THSD4: variants seen among roughly 807,000 people sequenced by gnomAD.
THSD4 encodes the protein thrombospondin type-1 domain-containing protein 4.
In THSD4, 69 loss-of-function variants were observed where a neutral mutation model predicts 119.0. That is an observed-to-expected ratio of 0.58 (90% confidence interval 0.48 to 0.71). The LOEUF is 0.71. Ranked by LOEUF, THSD4 falls within the 30% of genes least tolerant of loss-of-function variation. The probability of loss-of-function intolerance (pLI) is 0.00; values close to 1 mark genes in which losing one functional copy is unlikely to be tolerated. For missense variants in THSD4, 1,393 were observed against 1,391.1 expected (o/e 1.00, Z -0.02); for synonymous variants, 524 against 540.4 (o/e 0.97, Z 0.42).
At chr15:71,325,247 C>T (rs765392412) in intron 6 of THSD4, among the ~76,000 whole-genome samples, 25 of 152,304 alleles carry the variant, frequency 1.6e-4, no homozygotes, top group Admixed American at 7.8e-4. Flanking sequence ...GTACAGGAAT[C>T]ATATCTCTCA....
At chr15:71,704,813 G>A (rs1595877865) in intron 8 of THSD4, among the ~76,000 whole-genome samples, 1 of 152,202 alleles carries the variant, frequency 6.6e-6, no homozygotes, top group East Asian at 1.9e-4. Flanking sequence ...CAAGTGTGTT[G>A]CAGCCTAAAT....
At chr15:71,271,507 C>A (rs1335326841) in intron 6 of THSD4, among the ~76,000 whole-genome samples, 2 of 152,102 alleles carry the variant, frequency 1.3e-5, no homozygotes, top group African/African-American at 4.8e-5. Flanking sequence ...AATGATAGAA[C>A]CTTCTGGAAT....
intron 4 of THSD4, among the ~76,000 whole-genome samples, chr15:71,230,426 G>A (rs2044051076): frequency 1.3e-5 from 2 of 152,238 alleles, no homozygotes; most frequent in South Asian, 2.1e-4. Context: ...TGGAGGCTCT[G>A]TGTCTCTTAC....
intron 6 of THSD4, among the ~76,000 whole-genome samples, chr15:71,323,832 C>T (rs574452100): frequency 1.3e-5 from 2 of 152,038 alleles, no homozygotes; most frequent in Non-Finnish European, 2.9e-5. Flanking sequence ...TATAAATAAT[C>T]TGCAACCCCA....
intron 6 of THSD4, among the ~76,000 whole-genome samples, chr15:71,272,501 T>G (rs1053950000): frequency 3.3e-5 from 5 of 150,086 alleles, no homozygotes; most frequent in African/African-American, 1.2e-4. Context: ...CCAACAGGTA[T>G]ATGTTAAAAT....
chr15:71,424,531 C>T (rs1330566296), intron 7 of THSD4, among the ~76,000 whole-genome samples: 2 of 152,116 alleles, frequency 1.3e-5, no homozygotes, highest in African/African-American at 2.4e-5. Flanking sequence ...TATTGGAAGC[C>T]TGCAGAGATT....
At chr15:71,741,709 AC>A (rs2053239378) in intron 11 of THSD4, among the ~76,000 whole-genome samples, 1 of 151,606 alleles carries the variant, frequency 6.6e-6, no homozygotes, top group Non-Finnish European at 1.5e-5. Context: ...ACACACACAC[AC>A]ACACACACAC....
At chr15:71,604,828 CA>C (rs138151805) in intron 7 of THSD4, among the ~76,000 whole-genome samples, 2 of 146,054 alleles carry the variant, frequency 1.4e-5, no homozygotes, top group Admixed American at 6.8e-5. Flanking sequence ...AAAACAAAAA[CA>C]AAAAAAAAAC....
Position 71,724,283 on chromosome 15 carries a change from A to T in THSD4, c.1358-4266A>T, listed in dbSNP as rs1232649235. ...TATGATGGGATATATATATATATAT[A>T]TATATTTTTTTTTTCCCCCCAAGAT... On this transcript the variant is annotated intron_variant, in intron 8 of 17. Coordinates refer to ENST00000261862, the MANE Select transcript of THSD4 (RefSeq NM_024817.3). Among the ~76,000 whole-genome samples the T allele has an allele frequency of 3.6e-4, 10 of 27,864 alleles. 1 individual carries two copies. Among genetic ancestry groups the T allele is most frequent in the East Asian group, 3.2e-3 (2 of 620 alleles). The allele number at this position is 27,864 out of a possible 152,430, so 18.3% of individuals were successfully genotyped here.
intron 6 of THSD4, among the ~76,000 whole-genome samples, chr15:71,354,145 A>T (rs1566951757): frequency 6.6e-6 from 1 of 152,192 alleles, no homozygotes; most frequent in South Asian, 2.1e-4. Context: ...AGGTTTAAAA[A>T]TTTAGCCAGA....
Position 71,300,817 on chromosome 15 carries a change from A to G in THSD4, c.1015+44102A>G, listed in dbSNP as rs568668608. 2.6e-5 allele frequency among the ~76,000 whole-genome samples: 4 copies of G among 152,326 alleles called. No individual in the cohort carries two copies. In the East Asian group the frequency reaches 5.8e-4, roughly 22 times the overall value. ...AGATAAATAAATGCATTGTGCTGGC[A>G]AGTTCTAATAGAGCATCAAAGTGAC... On this transcript the variant is annotated intron_variant, in intron 6 of 17. Coordinates refer to ENST00000261862, the MANE Select transcript of THSD4 (RefSeq NM_024817.3).
At chr15:71,313,362 A>G (rs1222246348) in intron 6 of THSD4, among the ~76,000 whole-genome samples, 1 of 152,238 alleles carries the variant, frequency 6.6e-6, no homozygotes. Context: ...AAGATGCTCC[A>G]GGTTCATGTT....
chr15:71,271,069 C>T (rs954687403), intron 6 of THSD4, among the ~76,000 whole-genome samples: 6 of 152,070 alleles, frequency 3.9e-5, no homozygotes, highest in African/African-American at 1.4e-4. Flanking sequence ...ATTATTGCTT[C>T]TCTGCAAGCT....
intron 7 of THSD4, among the ~76,000 whole-genome samples, chr15:71,580,139 G>A (rs2049531152): frequency 6.6e-6 from 1 of 152,142 alleles, no homozygotes; most frequent in South Asian, 2.1e-4. Context: ...GTCATGCTAG[G>A]ATAGTTCCAA....
At chr15:71,715,696 A>G (rs2141101010) in intron 8 of THSD4, among the ~76,000 whole-genome samples, 1 of 152,296 alleles carries the variant, frequency 6.6e-6, no homozygotes, top group East Asian at 1.9e-4. Flanking sequence ...GACATTGAGA[A>G]CAACCCTTCC....
intron 4 of THSD4, among the ~76,000 whole-genome samples, chr15:71,218,290 A>G (rs1216379073): frequency 6.6e-6 from 1 of 152,318 alleles, no homozygotes; most frequent in Non-Finnish European, 1.5e-5. Context: ...GCTCACCCCC[A>G]GATCCCTGCA....
intron 3 of THSD4, among the ~76,000 whole-genome samples, chr15:71,173,172 A>T (rs2043399828): frequency 1.3e-5 from 2 of 152,174 alleles, no homozygotes; most frequent in African/African-American, 4.8e-5. Context: ...GAATTCACCA[A>T]AGTAGCAGGA....
At chr15:71,319,969 C>T (rs932169959) in intron 6 of THSD4, among the ~76,000 whole-genome samples, 14 of 152,186 alleles carry the variant, frequency 9.2e-5, no homozygotes, top group Non-Finnish European at 2.1e-4. Context: ...GGTATGGTAA[C>T]TAGACTCCAG....
chr15:71,682,546 T>C (rs2051804509), intron 8 of THSD4, among the ~76,000 whole-genome samples: 1 of 149,402 alleles, frequency 6.7e-6, no homozygotes, highest in South Asian at 2.1e-4. Flanking sequence ...AATGGAATAA[T>C]ACAGCATATA....
Sources: allele counts gnomAD v4.1 joint callset (sites outside exome capture counted in the v4.1 genomes callset), GRCh38; gene constraint gnomAD v4.1.1; transcripts MANE v1.5; gene names NCBI Gene and HGNC (gene_info 2026-07-23, HGNC 2026-07-21).